C7: variants seen among roughly 807,000 people sequenced by gnomAD.
C7 encodes complement component C7.
Under a neutral mutation model 104.8 loss-of-function variants are expected in C7, and 83 were observed. That is an observed-to-expected ratio of 0.79 (90% CI 0.66 to 0.95). The LOEUF (loss-of-function observed/expected upper bound fraction) is 0.95, where lower values mean the gene tolerates loss of function less well. Among genes scored for constraint, C7 ranks in the 40% least tolerant of loss-of-function variants. C7 has a pLI of 0.00. For missense variants in C7, 1,070 were observed against 1,011.2 expected (o/e 1.06, Z -0.79); for synonymous variants, 415 against 360.6 (o/e 1.15, Z -1.71).
chr5:40,958,357 G>A lies in C7; in HGVS notation c.1489+96G>A. 7.3e-6 allele frequency: 5 copies of A among 687,752 alleles called. No individual in the cohort carries two copies. In the South Asian group the frequency reaches 1.1e-4, roughly 15 times the overall value. 42.6% of individuals were successfully genotyped at this position (687,752 alleles called of 1,614,324 possible). A position where few individuals can be genotyped will look rare whatever the true frequency, so the allele number is the denominator to read the frequency against. On this transcript the variant is annotated intron_variant, in intron 11 of 17. Transcript: ENST00000313164. ...TGAGATGCTTCTTTGTGTATGAAGA[G>A]ATGAAGTCTCAAATGAATTTAGAAT... is the stretch of plus-strand genomic sequence containing the variant.
At chr5:40,966,724 C>G (rs1422646195) in intron 14 of C7, among the ~76,000 whole-genome samples, 2 of 152,052 alleles carry the variant, frequency 1.3e-5, no homozygotes, top group Non-Finnish European at 2.9e-5. Context: ...GAATAATAGT[C>G]TCCAGTCTCA....
At chr5:40,933,225 C>A (rs992075211) in intron 3 of C7, among the ~76,000 whole-genome samples, 1 of 152,124 alleles carries the variant, frequency 6.6e-6, no homozygotes, top group South Asian at 2.1e-4. Context: ...CACTGTGACC[C>A]CTCATGCCAA....
intron 1 of C7, among the ~76,000 whole-genome samples, chr5:40,921,729 G>A (rs954975511): frequency 6.6e-6 from 1 of 152,022 alleles, no homozygotes; most frequent in African/African-American, 2.4e-5. Flanking sequence ...ACTCATTTCT[G>A]ACAAAAGTGG....
At chr5:40,955,619 T>C (rs1365548571) in intron 10 of C7, 66 bp downstream of exon 10, 21 of 1,468,326 alleles carry the variant, frequency 1.4e-5, no homozygotes, top group Non-Finnish European at 1.8e-5. Context: ...AAAACGAAGG[T>C]GGTTAAATCA....
intron 1 of C7, among the ~76,000 whole-genome samples, chr5:40,920,093 T>TA (rs934449171): frequency 2.6e-5 from 4 of 151,682 alleles, no homozygotes; most frequent in African/African-American, 9.7e-5. Flanking sequence ...TAGATTAATT[T>TA]AAAAAAAAGA....
At chr5:40,925,595 C>T (rs1445030807) in intron 1 of C7, among the ~76,000 whole-genome samples, 1 of 152,160 alleles carries the variant, frequency 6.6e-6, no homozygotes, top group Non-Finnish European at 1.5e-5. Context: ...ATTCTCAGTA[C>T]CAATTTTCTG....
At chr5:40,966,926 G>A (rs1300113165) in intron 14 of C7, among the ~76,000 whole-genome samples, 2 of 152,036 alleles carry the variant, frequency 1.3e-5, no homozygotes, top group Non-Finnish European at 2.9e-5. Flanking sequence ...ATATGAATAT[G>A]AATATTTGCT....
chr5:40,946,602 C>T (rs1424542095), intron 7 of C7, among the ~76,000 whole-genome samples: 1 of 152,126 alleles, frequency 6.6e-6, no homozygotes, highest in Non-Finnish European at 1.5e-5. Context: ...GTAGCTTCAC[C>T]TGCAAATACC....
rs199558578 is a variant in C7, at chr5:40,945,361, A to T, written c.731A>T (p.Lys244Ile). 4.2e-5 allele frequency: 67 copies of T among 1,587,370 alleles called. No individual in the cohort carries two copies. Among genetic ancestry groups the T allele is most frequent in the Admixed American group, 5.7e-5 (3 of 52,896 alleles). The change falls in exon 7 of 18, where the codon AAA becomes ATA. Residue 244 changes from lysine to isoleucine, a missense_variant. Coordinates refer to ENST00000313164, the MANE Select transcript of C7 (RefSeq NM_000587.4). The stretch of plus-strand genomic sequence containing the variant: ...ACTTCACATACCAATGAAATCCATA[A>T]AGGAAAGGTTAGTATAAAATGTCAG... ...SYTSHTNEIH[K>I]GKSYQLLVVE...
chr5:40,945,895 T>C lies in C7; in HGVS notation c.738+527T>C, dbSNP rs1201342497. Among the ~76,000 whole-genome samples, 4 of 146,148 alleles carry C rather than the reference T, an allele frequency of 2.7e-5. No homozygotes were observed. In the South Asian group the frequency reaches 8.5e-4, roughly 31 times the overall value. ...AAATACATATATATATATATATATA[T>C]ATATATATATATATGTATATTTAGT... On this transcript the variant is annotated intron_variant, in intron 7 of 17. Transcript: ENST00000313164.
rs915026884 is a variant in C7, at chr5:40,949,774, G to A, written c.983-130G>A. On this transcript the variant is annotated intron_variant, in intron 8 of 17. Coordinates refer to ENST00000313164, the MANE Select transcript of C7 (RefSeq NM_000587.4). ...TGACTCTTCTAGAGCACTTGAAAAT[G>A]TTCATATCATGTCACTCTTGATTAG... 1.7e-5 allele frequency: 11 copies of A among 650,222 alleles called. No individual in the cohort carries two copies. The South Asian group carries it at 2.0e-4, about 12-fold the overall frequency. The allele number at this position is 650,222 out of a possible 1,614,324, so 40.3% of individuals were successfully genotyped here.
chr5:40,979,095 G>A (rs1740882257), intron 16 of C7, among the ~76,000 whole-genome samples: 1 of 151,888 alleles, frequency 6.6e-6, no homozygotes, highest in Admixed American at 6.6e-5. Flanking sequence ...AGCCATCCTG[G>A]TCTTGAACTC....
At chr5:40,935,633 C>T (rs184309039) in intron 4 of C7, among the ~76,000 whole-genome samples, 9 of 152,226 alleles carry the variant, frequency 5.9e-5, no homozygotes, top group Non-Finnish European at 1.0e-4. Flanking sequence ...AAAGCTTGGC[C>T]TTTTATTCAT....
chr5:40,946,312 G>A (rs1180357292), intron 7 of C7, among the ~76,000 whole-genome samples: 1 of 152,100 alleles, frequency 6.6e-6, no homozygotes, highest in African/African-American at 2.4e-5. Context: ...AGTTATGGCT[G>A]AATAATTTTT....
In C7 at chr5:40,972,593, A is replaced by T. The variant is rs186028395; in HGVS notation, c.2073A>T (p.Lys691Asn). The change falls in exon 15 of 18, where the codon AAA becomes AAT. Residue 691 changes from lysine (K) to asparagine (N), a missense_variant and splice_region_variant. Lys to Asn is a moderately conservative substitution (Grantham distance 94). Coordinates refer to ENST00000313164, the MANE Select transcript of C7 (RefSeq NM_000587.4). ...PEMKNARCVQKENPLTQAVPK... is the reference protein window; with the variant it reads ...PEMKNARCVQNENPLTQAVPK... ...TGAAGAATGCCCGCTGTGTACAAAA[A>T]GGTGAGTGGCTTCCATGTCTATCCA... is the stretch of plus-strand genomic sequence containing the variant. 19 of 1,588,222 alleles carry T rather than the reference A, an allele frequency of 1.2e-5. No homozygotes were observed. The highest frequency in any genetic ancestry group is 1.8e-4 in the Middle Eastern group (1 of 5,704).
chr5:40,949,692 G>T (rs1235438171), intron 8 of C7, among the ~76,000 whole-genome samples: 3 of 152,062 alleles, frequency 2.0e-5, no homozygotes, highest in Non-Finnish European at 4.4e-5. Context: ...AATCTCTTCT[G>T]CCTCCCCTCT....
At chr5:40,945,443 T>G (rs879846005) in intron 7 of C7, 75 bp downstream of exon 7, 40 of 968,450 alleles carry the variant, frequency 4.1e-5, no homozygotes, top group Non-Finnish European at 5.7e-5. Flanking sequence ...AACTTGTATT[T>G]ATCAAAAGGA....
At chr5:40,966,033 T>C (rs1324502923) in intron 14 of C7, among the ~76,000 whole-genome samples, 3 of 152,034 alleles carry the variant, frequency 2.0e-5, no homozygotes, top group Non-Finnish European at 4.4e-5. Flanking sequence ...GAAATGGCTG[T>C]CTATGTCTTT....
chr5:40,979,412 G>T (rs1391424416), intron 16 of C7, among the ~76,000 whole-genome samples: 3 of 152,058 alleles, frequency 2.0e-5, no homozygotes, highest in Admixed American at 2.0e-4. Context: ...TTTGTCAGCT[G>T]TTGCTAGCAG....
Sources: gnomAD v4.1 joint callset for allele counts (sites outside exome capture counted in the v4.1 genomes callset) on GRCh38, gnomAD v4.1.1 for gene constraint, MANE v1.5 for transcripts, NCBI Gene and HGNC (gene_info 2026-07-23, HGNC 2026-07-21) for gene names.